The following CDC40 variants were observed in gnomAD, a reference collection of about 807,000 sequenced individuals.
The protein encoded by CDC40 is cell division cycle 40, also known as pre-mRNA-processing factor 17.
In CDC40, 27 loss-of-function variants were observed where a neutral mutation model predicts 80.6. That is an observed-to-expected ratio of 0.33 (90% CI 0.25 to 0.46). The LOEUF is 0.46. Among genes scored for constraint, CDC40 ranks in the 20% least tolerant of loss-of-function variants. CDC40 has a pLI of 1.00. For synonymous variants in CDC40, 221 were observed against 232.6 expected, an observed-to-expected ratio of 0.95 and a Z score of 0.45; for missense variants, 486 against 694.1, an observed-to-expected ratio of 0.70 and a Z score of 3.37.
intron 1 of CDC40, among the ~76,000 whole-genome samples, chr6:110,189,694 C>G (rs1389026871): frequency 3.9e-5 from 6 of 152,176 alleles, no homozygotes; most frequent in Non-Finnish European, 8.8e-5. Flanking sequence ...GTGTCTCTCC[C>G]TGCCATCACC....
At chr6:110,220,650 T>G (rs965984934) in intron 12 of CDC40, among the ~76,000 whole-genome samples, 1 of 152,092 alleles carries the variant, frequency 6.6e-6, no homozygotes, top group Non-Finnish European at 1.5e-5. Context: ...TTTCACTGTG[T>G]TAGCCAGGAT....
intron 12 of CDC40, among the ~76,000 whole-genome samples, chr6:110,221,045 T>C (rs1777769621): frequency 6.6e-6 from 1 of 152,230 alleles, no homozygotes; most frequent in Non-Finnish European, 1.5e-5. Flanking sequence ...TATTGGTTAA[T>C]TGTACTTTAC....
Position 110,201,607 on chromosome 6 carries a change from A to C in CDC40, c.326A>C (p.Asn109Thr). 1 of 1,613,284 alleles carries C rather than the reference A, an allele frequency of 6.2e-7. No homozygotes were observed. The highest frequency in any genetic ancestry group is 2.2e-5 in the East Asian group (1 of 44,860). Residue 109 changes from asparagine (N) to threonine (T), a missense_variant, in exon 3 of 15, where the codon AAT (asparagine) becomes ACT (threonine). Physicochemically the swap from Asn to Thr is moderately conservative, Grantham distance 65. Transcript: ENST00000307731. ...ACACAGCAAATGGCTGCCCCTAGAA[A>C]TATGCTTTCTGGATATGCCGAACCA... ...FRTQQMAAPR[N>T]MLSGYAEPAH...
intron 1 of CDC40, among the ~76,000 whole-genome samples, chr6:110,192,666 G>A (rs1313929903): frequency 6.6e-6 from 1 of 152,166 alleles, no homozygotes; most frequent in African/African-American, 2.4e-5. Flanking sequence ...GAGATGAGAT[G>A]TTTATTTTCA....
intron 13 of CDC40, 34 bp downstream of exon 13, chr6:110,226,277 G>C: frequency 1.5e-6 from 2 of 1,312,410 alleles, no homozygotes; most frequent in Non-Finnish European, 2.2e-6. Flanking sequence ...TTTTAAATGA[G>C]CTTCTAAGAT....
At chr6:110,198,767 T>C (rs200627921) in intron 2 of CDC40, among the ~76,000 whole-genome samples, 3 of 152,378 alleles carry the variant, frequency 2.0e-5, no homozygotes, top group East Asian at 1.9e-4. Context: ...ATTTATGTTA[T>C]GTATTTACTT....
intron 1 of CDC40, among the ~76,000 whole-genome samples, chr6:110,180,907 G>A (rs949793317): frequency 4.6e-5 from 7 of 152,216 alleles, no homozygotes; most frequent in African/African-American, 1.7e-4. Flanking sequence ...GACATAGCCT[G>A]GAAAGTGCAG....
intron 2 of CDC40, among the ~76,000 whole-genome samples, chr6:110,196,739 C>CTA (rs1777423277): frequency 6.6e-6 from 1 of 152,052 alleles, no homozygotes; most frequent in East Asian, 1.9e-4. Context: ...AGAACCAGCA[C>CTA]TAATGAAATT....
Position 110,213,120 on chromosome 6 carries a change from GC to G in CDC40, c.904del (p.His302IlefsTer24). On this transcript the variant is annotated frameshift_variant, in exon 8 of 15. Transcript: ENST00000307731. LOFTEE classifies it high-confidence loss of function. ...GCAGTCAGATTGTTTCCTCTCTCTG[GC>G]CATTTATTGCTGTCTTGTTCCATGG... The part of the protein sequence containing the change: ...VSAVRLFPLS[G>X]HLLLSCSMDC... The G allele has an allele frequency of 1.2e-6, 2 of 1,611,948 alleles. No homozygotes were observed. The highest frequency in any genetic ancestry group is 1.7e-6 in the Non-Finnish European group (2 of 1,178,074).
Position 110,217,720 on chromosome 6 carries a change from G to T in CDC40, c.1007G>T (p.Arg336Met). The T allele has an allele frequency of 6.3e-7, 1 of 1,589,816 alleles. No individual in the cohort carries two copies. Among genetic ancestry groups the T allele is most frequent in the South Asian group, 1.1e-5 (1 of 90,492 alleles). ...CCTTTAGGTCACAGTAAGGCTGTTA[G>T]GGATATCTGCTTCAATACTGCAGGA... ...RTFIGHSKAV[R>M]DICFNTAGTQ... The change falls in exon 10 of 15, where the codon AGG becomes ATG. Residue 336 changes from arginine (R) to methionine (M), a missense_variant. By Grantham distance (91) the Arg-to-Met change is moderately conservative. This residue lies in a region of CDC40 where 381 missense variants were observed against 492.1 expected (regional missense o/e 0.77). Coordinates refer to ENST00000307731, the MANE Select transcript of CDC40 (RefSeq NM_015891.3).
At chr6:110,210,054 T>C (rs1777615681) in intron 5 of CDC40, among the ~76,000 whole-genome samples, 1 of 152,160 alleles carries the variant, frequency 6.6e-6, no homozygotes, top group Non-Finnish European at 1.5e-5. Context: ...CATTATGTGC[T>C]AAAATTCAGT....
chr6:110,215,794 A>G (rs1005861925), intron 9 of CDC40, among the ~76,000 whole-genome samples: 1 of 152,186 alleles, frequency 6.6e-6, no homozygotes, highest in Non-Finnish European at 1.5e-5. Context: ...GCAAGCCTGG[A>G]GGAAGGGAAA....
At chr6:110,196,402 T>G (rs2114653677) in intron 2 of CDC40, among the ~76,000 whole-genome samples, 1 of 152,306 alleles carries the variant, frequency 6.6e-6, no homozygotes, top group South Asian at 2.1e-4. Flanking sequence ...ACATAATGGA[T>G]AGAACTCGAA....
intron 2 of CDC40, among the ~76,000 whole-genome samples, chr6:110,198,526 C>G (rs1198524136): frequency 2.6e-5 from 4 of 152,114 alleles, no homozygotes; most frequent in Non-Finnish European, 5.9e-5. Flanking sequence ...AATTCAAGTC[C>G]TTTGCCAATT....
At chr6:110,190,067 G>A (rs929266487) in intron 1 of CDC40, among the ~76,000 whole-genome samples, 2 of 152,122 alleles carry the variant, frequency 1.3e-5, no homozygotes, top group African/African-American at 2.4e-5. Context: ...AATGCCCTGC[G>A]TTCTACTGGG....
chr6:110,215,196 A>G, intron 8 of CDC40, 90 bp from the exon 9 acceptor site: 3 of 946,130 alleles, frequency 3.2e-6, no homozygotes, highest in African/African-American at 1.6e-5. Flanking sequence ...ACAGATGTGC[A>G]CACACATAAC....
chr6:110,189,816 A>G (rs1777321098), intron 1 of CDC40, among the ~76,000 whole-genome samples: 1 of 152,146 alleles, frequency 6.6e-6, no homozygotes, highest in African/African-American at 2.4e-5. Flanking sequence ...TCTGTTTTTT[A>G]CCACCAAATA....
intron 14 of CDC40, among the ~76,000 whole-genome samples, chr6:110,229,483 T>C (rs1417382632): frequency 6.6e-6 from 1 of 152,208 alleles, no homozygotes; most frequent in Non-Finnish European, 1.5e-5. Flanking sequence ...AGAAGTAATT[T>C]AGAAATCCCA....
At chr6:110,215,386 A>G in intron 9 of CDC40, 55 bp downstream of exon 9, 1 of 1,352,552 alleles carries the variant, frequency 7.4e-7, no homozygotes. Context: ...AAAGTAAGAT[A>G]ACATCATTGA....
Sources: allele counts gnomAD v4.1 joint callset (sites outside exome capture counted in the v4.1 genomes callset), GRCh38; gene constraint gnomAD v4.1.1; regional missense constraint gnomAD v4.1.1; transcripts MANE v1.5; gene names NCBI Gene and HGNC (gene_info 2026-07-23, HGNC 2026-07-21).